Variants in BBX observed in about 807,000 individuals in gnomAD.
BBX encodes the protein BBX high mobility group box domain containing.
In BBX, 30 loss-of-function variants were observed where a neutral mutation model predicts 100.2. That is an observed-to-expected ratio of 0.30 (90% CI 0.22 to 0.41). The LOEUF (loss-of-function observed/expected upper bound fraction) is 0.41, where lower values mean the gene tolerates loss of function less well. Ranked by LOEUF, BBX falls within the 10% of genes least tolerant of loss-of-function variation. The pLI is 1.00. For synonymous variants in BBX, 376 were observed against 388.1 expected, an observed-to-expected ratio of 0.97 and a Z score of 0.37; for missense variants, 1,023 against 1,129.8, an observed-to-expected ratio of 0.91 and a Z score of 1.35.
intron 2 of BBX, among the ~76,000 whole-genome samples, chr3:107,538,795 T>C (rs969968609): frequency 6.6e-6 from 1 of 151,838 alleles, no homozygotes; most frequent in African/African-American, 2.4e-5. Context: ...GAATCATCTT[T>C]TTTTTTTTAG....
At chr3:107,635,132 C>T (rs1404462919) in intron 2 of BBX, among the ~76,000 whole-genome samples, 1 of 138,004 alleles carries the variant, frequency 7.2e-6, no homozygotes, top group Non-Finnish European at 1.5e-5. Flanking sequence ...ATAAAAATAA[C>T]TCAAACACTG....
At position 107,789,828 on chromosome 3, in the gene BBX, G is replaced by T; in HGVS notation, c.2245G>T (p.Val749Phe). The change falls in exon 14 of 18, where the codon GTC becomes TTC. Residue 749 changes from valine (V) to phenylalanine (F), a missense_variant. Val to Phe is a conservative substitution (Grantham distance 50). Transcript: ENST00000325805. Reference protein sequence around the residue: ...SQKKNLFHKIVSKYKHKKEKP... With the variant: ...SQKKNLFHKIFSKYKHKKEKP... ...GAAAAAGAACTTATTCCACAAAATT[G>T]TCAGCAAATATAAGCACAAAAAGGA... 1 of 1,550,008 alleles carries T rather than the reference G, an allele frequency of 6.5e-7. No individual in the cohort carries two copies. Among genetic ancestry groups the T allele is most frequent in the Non-Finnish European group, 8.7e-7 (1 of 1,145,812 alleles).
intron 7 of BBX, among the ~76,000 whole-genome samples, chr3:107,740,389 A>G (rs1459216624): frequency 1.3e-5 from 2 of 151,976 alleles, no homozygotes; most frequent in African/African-American, 4.8e-5. Context: ...ATCTTTCCAG[A>G]CAATTACTGA....
At chr3:107,769,169 C>CATAGATAGATAGATAGATAG (rs61134656) in intron 10 of BBX, among the ~76,000 whole-genome samples, 3 of 132,460 alleles carry the variant, frequency 2.3e-5, no homozygotes, top group Non-Finnish European at 3.2e-5. Flanking sequence ...CTCTATCATT[C>CATAGATAGATAGATAGATAG]ATAGATAGAT....
chr3:107,654,521 T>C (rs2058026193), intron 3 of BBX, among the ~76,000 whole-genome samples: 1 of 152,180 alleles, frequency 6.6e-6, no homozygotes, highest in African/African-American at 2.4e-5. Context: ...TTTAGAACTT[T>C]TACTTTCGAA....
chr3:107,737,884 G>GTTTTGT (rs2063744620), intron 7 of BBX, among the ~76,000 whole-genome samples: 1 of 48,886 alleles, frequency 2.0e-5, no homozygotes, highest in African/African-American at 8.9e-5. Flanking sequence ...CAGAGTTCCA[G>GTTTTGT]TTTTTTTTTT....
At chr3:107,662,015 G>T (rs1576228239) in intron 3 of BBX, 1 of 564,864 alleles carries the variant, frequency 1.8e-6, no homozygotes, top group East Asian at 1.5e-4. Context: ...TGGGGAAGAA[G>T]AATTTGTTAG....
intron 2 of BBX, among the ~76,000 whole-genome samples, chr3:107,621,666 G>A (rs865887576): frequency 6.6e-6 from 1 of 152,194 alleles, no homozygotes; most frequent in South Asian, 2.1e-4. Flanking sequence ...CAGTGACATA[G>A]TGTTCTTTGA....
chr3:107,755,650 G>A lies in BBX; in HGVS notation c.878G>A (p.Gly293Glu), dbSNP rs2065416627. Residue 293 changes from glycine (G) to glutamate (E), a missense_variant, in exon 10 of 18, where the codon GGA (glycine) becomes GAA (glutamate). By Grantham distance (98) the Gly-to-Glu change is moderately conservative (BLOSUM62 -2). This residue lies in a region of BBX where 95 missense variants were observed against 95.1 expected (regional missense o/e 1.00). Coordinates refer to ENST00000325805, the MANE Select transcript of BBX (RefSeq NM_001142568.3). ...GGTGCTGAGCCTGTAAAACGCTGTG[G>A]AAAGTCTGCACTCTTTCAACTGGCA... is the stretch of plus-strand genomic sequence containing the variant. ...LGGAEPVKRC[G>E]KSALFQLAEM... The A allele has an allele frequency of 2.5e-6, 4 of 1,613,780 alleles. No homozygotes were observed. Among genetic ancestry groups the A allele is most frequent in the African/African-American group, 1.3e-5 (1 of 74,900 alleles).
intron 2 of BBX, among the ~76,000 whole-genome samples, chr3:107,619,758 A>G (rs542373358): frequency 1.1e-4 from 17 of 152,246 alleles, no homozygotes; most frequent in African/African-American, 3.4e-4. Flanking sequence ...GCACTGCAGA[A>G]TGTGTCATTC....
intron 2 of BBX, among the ~76,000 whole-genome samples, chr3:107,544,332 A>G (rs1307845926): frequency 6.6e-6 from 1 of 152,190 alleles, no homozygotes; most frequent in East Asian, 1.9e-4. Context: ...ACTTTACTGC[A>G]TTTTGAAATG....
At chr3:107,529,644 G>A (rs2107297440) in intron 2 of BBX, among the ~76,000 whole-genome samples, 1 of 152,288 alleles carries the variant, frequency 6.6e-6, no homozygotes, top group African/African-American at 2.4e-5. Flanking sequence ...CTAATTGTCA[G>A]TATTTCTGTA....
chr3:107,536,643 A>G (rs886500674), intron 2 of BBX, among the ~76,000 whole-genome samples: 2 of 152,106 alleles, frequency 1.3e-5, no homozygotes, highest in Non-Finnish European at 2.9e-5. Context: ...TTCTTGGGTA[A>G]TATTCGAAGA....
chr3:107,797,521 A>T (rs2069859496), intron 15 of BBX, among the ~76,000 whole-genome samples: 1 of 151,774 alleles, frequency 6.6e-6, no homozygotes, highest in Admixed American at 6.6e-5. Context: ...GTTAAAAATT[A>T]TGAAAGTGCA....
At chr3:107,527,516 G>T (rs1229096871) in intron 2 of BBX, among the ~76,000 whole-genome samples, 1 of 152,178 alleles carries the variant, frequency 6.6e-6, no homozygotes, top group East Asian at 1.9e-4. Flanking sequence ...GACCTTTCTG[G>T]TAGTGTCCAT....
At chr3:107,760,358 A>G (rs577985539) in intron 10 of BBX, among the ~76,000 whole-genome samples, 1 of 152,360 alleles carries the variant, frequency 6.6e-6, no homozygotes, top group East Asian at 1.9e-4. Context: ...CTGTCAAAGA[A>G]ATGGAGCTCA....
At chr3:107,617,128 C>A (rs139799605) in intron 2 of BBX, among the ~76,000 whole-genome samples, 27 of 152,236 alleles carry the variant, frequency 1.8e-4, no homozygotes, top group African/African-American at 6.0e-4. Context: ...CGCTGTAGCA[C>A]AGTTTGTGTG....
intron 2 of BBX, among the ~76,000 whole-genome samples, chr3:107,604,170 AT>A (rs2054263694): frequency 6.6e-6 from 1 of 152,172 alleles, no homozygotes; most frequent in Non-Finnish European, 1.5e-5. Flanking sequence ...TTTTAAAACT[AT>A]TCCCAGGTGT....
At chr3:107,544,326 T>C (rs1026250815) in intron 2 of BBX, among the ~76,000 whole-genome samples, 4 of 152,230 alleles carry the variant, frequency 2.6e-5, no homozygotes, top group Non-Finnish European at 5.9e-5. Context: ...CACAACACTT[T>C]ACTGCATTTT....
Sources: allele counts gnomAD v4.1 joint callset (sites outside exome capture counted in the v4.1 genomes callset), GRCh38; gene constraint gnomAD v4.1.1; regional missense constraint gnomAD v4.1.1; transcripts MANE v1.5; gene names NCBI Gene and HGNC (gene_info 2026-07-23, HGNC 2026-07-21).